The following SIGLECL1 variants were observed in gnomAD, a reference collection of about 807,000 sequenced individuals.
SIGLECL1 encodes SIGLEC family-like protein 1.
In SIGLECL1, 16 loss-of-function variants were observed where a neutral mutation model predicts 19.1. The ratio of observed to expected loss-of-function variants is 0.84; its 90% CI spans 0.57 to 1.27. The LOEUF (loss-of-function observed/expected upper bound fraction) is 1.27, where lower values mean the gene tolerates loss of function less well. Ranked by LOEUF, SIGLECL1 falls within the 50% of genes most tolerant of loss-of-function variation. The probability of loss-of-function intolerance (pLI) is 0.00; values close to 1 mark genes in which losing one functional copy is unlikely to be tolerated. For missense variants in SIGLECL1, 210 were observed against 239.4 expected, an observed-to-expected ratio of 0.88 and a Z score of 0.81; for synonymous variants, 89 against 90.4, an observed-to-expected ratio of 0.98 and a Z score of 0.09.
chr19:51,260,667 A>G (rs1983147494), intron 1 of SIGLECL1, among the ~76,000 whole-genome samples: 1 of 152,192 alleles, frequency 6.6e-6, no homozygotes, highest in Admixed American at 6.5e-5. Context: ...GCCCTGATTT[A>G]TATTTCCACC....
intron 1 of SIGLECL1, among the ~76,000 whole-genome samples, chr19:51,256,343 A>T (rs1347031508): frequency 2.0e-5 from 3 of 152,224 alleles, no homozygotes; most frequent in African/African-American, 7.2e-5. Context: ...TTCAGCCTTA[A>T]AAAAGGACAT....
chr19:51,262,489 A>G (rs1373345346), intron 1 of SIGLECL1, among the ~76,000 whole-genome samples: 2 of 152,254 alleles, frequency 1.3e-5, no homozygotes, highest in Non-Finnish European at 2.9e-5. Context: ...TAAATGAAAC[A>G]TCATTAAAAT....
chr19:51,266,663 A>G (rs1394571180), intron 4 of SIGLECL1, among the ~76,000 whole-genome samples: 1 of 152,212 alleles, frequency 6.6e-6, no homozygotes. Flanking sequence ...TGAGAGTACC[A>G]GGTAATGGCT....
chr19:51,250,327 G>T (rs1280616937), upstream of SIGLECL1, among the ~76,000 whole-genome samples: 3 of 152,032 alleles, frequency 2.0e-5, no homozygotes, highest in Admixed American at 6.6e-5. Flanking sequence ...CAGGTAATCC[G>T]CCCGCCTCAG....
intron 1 of SIGLECL1, chr19:51,255,876 A>G (rs1018411189): frequency 6.6e-6 from 1 of 152,200 alleles, no homozygotes; most frequent in Non-Finnish European, 1.5e-5. Flanking sequence ...AATAGTATAG[A>G]GTATCCTTTA....
chr19:51,252,222 C>T (rs138687763), intron 1 of SIGLECL1, among the ~76,000 whole-genome samples: 50 of 151,420 alleles, frequency 3.3e-4, no homozygotes, highest in African/African-American at 1.1e-3. Context: ...ACTTGAACCC[C>T]GTAGGCAGAG....
chr19:51,260,726 T>C (rs896048697), intron 1 of SIGLECL1, among the ~76,000 whole-genome samples: 6 of 152,204 alleles, frequency 3.9e-5, no homozygotes, highest in Non-Finnish European at 7.3e-5. Context: ...ACTTGATATA[T>C]TGTCTTGGAT....
At chr19:51,259,608 A>G (rs914780638) in intron 1 of SIGLECL1, among the ~76,000 whole-genome samples, 2 of 152,234 alleles carry the variant, frequency 1.3e-5, no homozygotes, top group Non-Finnish European at 2.9e-5. Flanking sequence ...CTAGCTGCCT[A>G]TTGGGCTTTG....
intron 1 of SIGLECL1, among the ~76,000 whole-genome samples, chr19:51,255,390 A>T (rs7256512): frequency 0.22 from 33,607 of 152,098 alleles, 6,353 homozygotes; most frequent in African/African-American, 0.48. Context: ...GGAAATAGTT[A>T]TTTGGATATT....
upstream of SIGLECL1, among the ~76,000 whole-genome samples, chr19:51,248,940 C>T (rs1282017686): frequency 1.3e-5 from 2 of 152,090 alleles, no homozygotes; most frequent in East Asian, 3.9e-4. Flanking sequence ...AAACAAAGGC[C>T]TTGGAGCCAT....
chr19:51,267,601 A>T, intron 5 of SIGLECL1, 72 bp downstream of exon 5: 9 of 1,558,030 alleles, frequency 5.8e-6, no homozygotes, highest in Non-Finnish European at 7.9e-6. Context: ...AAAGGAGCAC[A>T]CAGTGTTTTG....
Position 51,265,661 on chromosome 19 carries a change from G to T in SIGLECL1, c.304+12G>T. 6.2e-7 allele frequency: 1 copy of T among 1,611,716 alleles called. No individual in the cohort carries two copies. The highest frequency in any genetic ancestry group is 1.1e-5 in the South Asian group (1 of 90,846). ...CCTACTGATGTCAAGTGAGGGTGGA[G>T]GGGGCTCGGTGACTGGGTGAGGACA... On this transcript the variant is annotated intron_variant, in intron 3 of 5. Transcript: ENST00000601727.
At chr19:51,260,516 T>G (rs1177698574) in intron 1 of SIGLECL1, among the ~76,000 whole-genome samples, 2 of 152,218 alleles carry the variant, frequency 1.3e-5, no homozygotes, top group Non-Finnish European at 2.9e-5. Context: ...TTTTAGCTAT[T>G]TTTAAATAAT....
chr19:51,268,161 T>C (rs17716016), intron 5 of SIGLECL1, among the ~76,000 whole-genome samples: 28,482 of 152,098 alleles, frequency 0.19, 3,320 homozygotes, highest in Non-Finnish European at 0.26. Flanking sequence ...CTAATCTTTG[T>C]GCTCGACAAT....
chr19:51,256,919 T>C (rs189115272), intron 1 of SIGLECL1, among the ~76,000 whole-genome samples: 9 of 152,314 alleles, frequency 5.9e-5, no homozygotes, highest in Admixed American at 5.9e-4. Flanking sequence ...AGATCTTTGT[T>C]TTACTCATTC....
intron 1 of SIGLECL1, among the ~76,000 whole-genome samples, chr19:51,254,306 G>T (rs577328098): frequency 1.4e-4 from 21 of 151,184 alleles, no homozygotes; most frequent in Non-Finnish European, 1.2e-4. Context: ...ACCAGCCAGG[G>T]TGACAGGGTG....
intron 1 of SIGLECL1, among the ~76,000 whole-genome samples, chr19:51,256,789 TTTTA>T (rs1371884270): frequency 6.6e-6 from 1 of 152,176 alleles, no homozygotes; most frequent in Non-Finnish European, 1.5e-5. Context: ...TATATACAAT[TTTTA>T]TTTGTCAGTT....
At chr19:51,268,350 G>A (rs2123463147) in intron 5 of SIGLECL1, among the ~76,000 whole-genome samples, 1 of 152,266 alleles carries the variant, frequency 6.6e-6, no homozygotes, top group South Asian at 2.1e-4. Flanking sequence ...CTAAGGAACA[G>A]TCAGTGTTAT....
chr19:51,254,111 G>C (rs932978317), intron 1 of SIGLECL1, among the ~76,000 whole-genome samples: 45 of 152,090 alleles, frequency 3.0e-4, no homozygotes, highest in African/African-American at 1.1e-3. Context: ...TTAAGCCCAG[G>C]AGTTCAAAAC....
Sources: gnomAD v4.1 joint callset for allele counts (sites outside exome capture counted in the v4.1 genomes callset) on GRCh38, gnomAD v4.1.1 for gene constraint, MANE v1.5 for transcripts, NCBI Gene and HGNC (gene_info 2026-07-23, HGNC 2026-07-21) for gene names.